The following GUCY1A2 variants were observed in gnomAD, a reference collection of about 807,000 sequenced individuals.
GUCY1A2 encodes guanylate cyclase soluble subunit alpha-2.
In GUCY1A2, 27 loss-of-function variants were observed where a neutral mutation model predicts 63.5. The ratio of observed to expected loss-of-function variants is 0.43; its 90% CI spans 0.31 to 0.59. The LOEUF (loss-of-function observed/expected upper bound fraction) is 0.59, where lower values mean the gene tolerates loss of function less well. Among genes scored for constraint, GUCY1A2 ranks in the 20% least tolerant of loss-of-function variants. The pLI is 0.11. For synonymous variants in GUCY1A2, 364 were observed against 343.5 expected (o/e 1.06, Z -0.66); for missense variants, 768 against 913.3 (o/e 0.84, Z 2.05).
intron 1 of GUCY1A2, among the ~76,000 whole-genome samples, chr11:107,010,921 G>C (rs1861734762): frequency 6.6e-6 from 1 of 151,872 alleles, no homozygotes; most frequent in Admixed American, 6.6e-5. Flanking sequence ...GTAGAGACAG[G>C]GTTTCACCAT....
At chr11:106,689,789 C>G (rs1309197593) in intron 7 of GUCY1A2, among the ~76,000 whole-genome samples, 1 of 151,836 alleles carries the variant, frequency 6.6e-6, no homozygotes, top group Non-Finnish European at 1.5e-5. Context: ...GTCAGGAGTT[C>G]GATACCAGCC....
At chr11:107,003,746 T>C (rs1337530060) in intron 1 of GUCY1A2, among the ~76,000 whole-genome samples, 1 of 152,226 alleles carries the variant, frequency 6.6e-6, no homozygotes, top group African/African-American at 2.4e-5. Context: ...AATCTTGCAC[T>C]TTTGTTAATG....
intron 6 of GUCY1A2, 61 bp from the exon 7 acceptor site, chr11:106,708,727 T>G: frequency 1.8e-6 from 2 of 1,111,308 alleles, no homozygotes; most frequent in Non-Finnish European, 2.5e-6. Context: ...GCAATTATTT[T>G]AATGAAAGGC....
At chr11:106,857,415 A>G (rs189091960) in intron 4 of GUCY1A2, among the ~76,000 whole-genome samples, 1 of 152,316 alleles carries the variant, frequency 6.6e-6, no homozygotes, top group Non-Finnish European at 1.5e-5. Flanking sequence ...CATTTGGATT[A>G]GAATTTCAAC....
chr11:106,963,759 A>C (rs1861089891), intron 3 of GUCY1A2, among the ~76,000 whole-genome samples: 1 of 152,030 alleles, frequency 6.6e-6, no homozygotes, highest in Non-Finnish European at 1.5e-5. Context: ...AAACTCTTAA[A>C]CTCACTTATG....
chr11:106,754,987 C>G (rs984355037), intron 6 of GUCY1A2, among the ~76,000 whole-genome samples: 2 of 152,062 alleles, frequency 1.3e-5, no homozygotes, highest in African/African-American at 4.8e-5. Flanking sequence ...TGGTCCTGGA[C>G]TTTTTTTGGT....
At chr11:106,980,459 A>G (rs193296813) in intron 2 of GUCY1A2, among the ~76,000 whole-genome samples, 1 of 152,306 alleles carries the variant, frequency 6.6e-6, no homozygotes, top group East Asian at 1.9e-4. Flanking sequence ...GCCTCACCCA[A>G]TACATCCGAA....
intron 6 of GUCY1A2, among the ~76,000 whole-genome samples, chr11:106,733,229 T>C (rs1404421795): frequency 6.6e-6 from 1 of 152,182 alleles, no homozygotes; most frequent in East Asian, 1.9e-4. Context: ...GAATCTTTTT[T>C]AGTTAGATGT....
intron 6 of GUCY1A2, among the ~76,000 whole-genome samples, chr11:106,743,309 T>C (rs1321038888): frequency 6.6e-6 from 1 of 152,148 alleles, no homozygotes; most frequent in Non-Finnish European, 1.5e-5. Flanking sequence ...AGTTCTCAGG[T>C]GACCACAATG....
chr11:106,870,039 G>A (rs932162914), intron 4 of GUCY1A2, among the ~76,000 whole-genome samples: 3 of 148,322 alleles, frequency 2.0e-5, no homozygotes, highest in Non-Finnish European at 3.0e-5. Flanking sequence ...CTCACTCATA[G>A]GTGGGAAATG....
At chr11:106,924,332 T>C (rs1860490267) in intron 4 of GUCY1A2, among the ~76,000 whole-genome samples, 1 of 152,226 alleles carries the variant, frequency 6.6e-6, no homozygotes, top group African/African-American at 2.4e-5. Flanking sequence ...TCATGATCTC[T>C]ACATATATTT....
chr11:106,914,106 G>A (rs564349413), intron 4 of GUCY1A2, among the ~76,000 whole-genome samples: 35 of 151,854 alleles, frequency 2.3e-4, no homozygotes, highest in African/African-American at 8.4e-4. Flanking sequence ...AAATCTATTT[G>A]TAGGGGAGAC....
At position 106,918,561 on chromosome 11, in the gene GUCY1A2, C is replaced by T. The variant is rs774231907; in HGVS notation, c.1206+20899G>A. 1.2e-4 allele frequency among the ~76,000 whole-genome samples: 18 copies of T among 145,416 alleles called. 4 individuals are homozygous for T. Among genetic ancestry groups the T allele is most frequent in the Non-Finnish European group, 2.5e-4 (16 of 64,768 alleles). The stretch of plus-strand genomic sequence containing the variant: ...CTCTTCCACACGTGCACACACATCA[C>T]ACATAGACATTACACACACAGAGAC... On this transcript the variant is annotated intron_variant, in intron 4 of 7. Coordinates refer to ENST00000526355, the MANE Select transcript of GUCY1A2 (RefSeq NM_000855.3).
At chr11:106,867,671 A>G (rs1461870847) in intron 4 of GUCY1A2, among the ~76,000 whole-genome samples, 2 of 152,116 alleles carry the variant, frequency 1.3e-5, no homozygotes, top group Non-Finnish European at 2.9e-5. Flanking sequence ...TTTAAGAACA[A>G]AATTCAAGCT....
intron 6 of GUCY1A2, among the ~76,000 whole-genome samples, chr11:106,767,622 T>C (rs979185649): frequency 6.6e-6 from 1 of 152,160 alleles, no homozygotes; most frequent in Non-Finnish European, 1.5e-5. Context: ...AGTGGAATTC[T>C]GTCTCATTGA....
At chr11:106,860,648 C>T (rs1480761546) in intron 4 of GUCY1A2, among the ~76,000 whole-genome samples, 2 of 151,916 alleles carry the variant, frequency 1.3e-5, no homozygotes, top group Non-Finnish European at 2.9e-5. Context: ...TGCCTGGTGA[C>T]CCAGATTTTG....
rs1322714132 is a variant in GUCY1A2 at position 106,680,331 on chromosome 11, G to A, written c.*7218C>T. The A allele has an allele frequency of 9.6e-6, 2 of 209,268 alleles. No individual in the cohort carries two copies. The highest frequency in any genetic ancestry group is 1.9e-5 in the Non-Finnish European group (2 of 102,878). 13.0% of individuals were successfully genotyped at this position (209,268 alleles called of 1,614,324 possible). Reference sequence around the variant, plus strand: ...ATAGACCACAGTAAAAATATATTAAGTAGAATTCCTTCTTTATCTGCAAAT... The same window carrying A: ...ATAGACCACAGTAAAAATATATTAAATAGAATTCCTTCTTTATCTGCAAAT... On this transcript the variant is annotated 3_prime_UTR_variant, in exon 8 of 8. Coordinates refer to ENST00000526355, the MANE Select transcript of GUCY1A2 (RefSeq NM_000855.3).
At chr11:106,880,003 T>G (rs1427694624) in intron 4 of GUCY1A2, among the ~76,000 whole-genome samples, 1 of 152,026 alleles carries the variant, frequency 6.6e-6, no homozygotes, top group Admixed American at 6.6e-5. Flanking sequence ...AGAATGACCC[T>G]GTATGGTCAA....
intron 4 of GUCY1A2, among the ~76,000 whole-genome samples, chr11:106,865,471 T>C (rs1329378558): frequency 1.5e-4 from 23 of 151,904 alleles, no homozygotes; most frequent in Admixed American, 1.4e-3. Flanking sequence ...TATGCTGCCA[T>C]AAAAAAGGAT....
Sources: gnomAD v4.1 joint callset for allele counts (sites outside exome capture counted in the v4.1 genomes callset) on GRCh38, gnomAD v4.1.1 for gene constraint, MANE v1.5 for transcripts, NCBI Gene and HGNC (gene_info 2026-07-23, HGNC 2026-07-21) for gene names.